NFASC: variants seen among roughly 807,000 people sequenced by gnomAD.
NFASC encodes the protein neurofascin, also known as neurofascin homolog.
In NFASC, 43 loss-of-function variants were observed where a neutral mutation model predicts 147.5. The ratio of observed to expected loss-of-function variants is 0.29; its 90% CI spans 0.23 to 0.38. NFASC has a LOEUF of 0.38. NFASC is among the 10% of genes least tolerant of loss of function. NFASC has a pLI of 1.00. For missense variants in NFASC, 1,320 were observed against 1,689.0 expected, an observed-to-expected ratio of 0.78 and a Z score of 3.83; for synonymous variants, 622 against 665.5, an observed-to-expected ratio of 0.93 and a Z score of 1.01.
At chr1:204,859,229 C>T (rs1364097690) in intron 1 of NFASC, among the ~76,000 whole-genome samples, 4 of 152,158 alleles carry the variant, frequency 2.6e-5, no homozygotes, top group Non-Finnish European at 4.4e-5. Context: ...CCACCCACCT[C>T]GGCGAATGCA....
intron 1 of NFASC, chr1:204,870,638 C>A: frequency 9.7e-7 from 1 of 1,027,370 alleles, no homozygotes; most frequent in Non-Finnish European, 1.2e-6. Context: ...GGCCACACAA[C>A]TCTTCCATTA....
At position 204,975,168 on chromosome 1, in the gene NFASC, A is replaced by T; in HGVS notation, c.1559-103A>T. ...GCATACTGTTTGTGCCCCACTCCAT[A>T]GTTGGCCCAAGGCCTCGAGGGCAGA... is the stretch of plus-strand genomic sequence containing the variant. On this transcript the variant is annotated intron_variant, in intron 14 of 29. Transcript: ENST00000339876. The surrounding 1 kb of genome is among the most constrained non-coding windows in gnomAD (Gnocchi z 4.0). 7.7e-7 allele frequency: 1 copy of T among 1,294,960 alleles called. No individual in the cohort carries two copies. Among genetic ancestry groups the T allele is most frequent in the Non-Finnish European group, 1.1e-6 (1 of 934,884 alleles). The allele number at this position is 1,294,960 out of a possible 1,614,324, so 80.2% of individuals were successfully genotyped here.
At chr1:204,911,019 TAGAA>T (rs2087318329) in intron 1 of NFASC, among the ~76,000 whole-genome samples, 1 of 152,220 alleles carries the variant, frequency 6.6e-6, no homozygotes, top group African/African-American at 2.4e-5. Context: ...TTGTTAATCT[TAGAA>T]AGAAAGCATT....
chr1:204,937,773 G>T (rs2092992182), intron 2 of NFASC, among the ~76,000 whole-genome samples: 1 of 152,220 alleles, frequency 6.6e-6, no homozygotes, highest in African/African-American at 2.4e-5. Flanking sequence ...CAGGTCGGTT[G>T]TGTTTTCTCC....
intron 15 of NFASC, among the ~76,000 whole-genome samples, chr1:204,976,341 C>G (rs1333921687): frequency 2.0e-5 from 3 of 152,198 alleles, no homozygotes; most frequent in Non-Finnish European, 4.4e-5. Flanking sequence ...ACCTTGGGGT[C>G]ATGGGCCTCA....
intron 1 of NFASC, among the ~76,000 whole-genome samples, chr1:204,865,831 C>T (rs2077061584): frequency 6.6e-6 from 1 of 152,116 alleles, no homozygotes; most frequent in Non-Finnish European, 1.5e-5. Flanking sequence ...TGGCTGAATA[C>T]CCAGAGGTAG....
At chr1:205,008,808 C>CG (rs59354456) in intron 27 of NFASC, 18,406 of 153,312 alleles carry the variant, frequency 0.12, 1,421 homozygotes, top group African/African-American at 0.2. Context: ...CACAGACCAC[C>CG]GGGGGGGTCA....
At chr1:204,945,569 T>C (rs1235838180) in intron 3 of NFASC, among the ~76,000 whole-genome samples, 2 of 152,216 alleles carry the variant, frequency 1.3e-5, no homozygotes, top group Non-Finnish European at 2.9e-5. Flanking sequence ...CAGTAGTAAC[T>C]GTAAGTCAGA....
chr1:204,973,304 G>A lies in NFASC; in HGVS notation c.1164G>A (p.Val388=), dbSNP rs937859626. 6.2e-7 allele frequency: 1 copy of A among 1,614,104 alleles called. No homozygotes were observed. The highest frequency in any genetic ancestry group is 1.3e-5 in the African/African-American group (1 of 74,948). Residue 388 remains valine, a synonymous_variant, in exon 12 of 30, where the codon GTG becomes GTA. Transcript: ENST00000339876. Reference sequence around the variant, plus strand: ...CACCACCTAACCCAAACCGTGAGGTGGCCGGAGACACCATCATCTTCCGGG... The same window carrying A: ...CACCACCTAACCCAAACCGTGAGGTAGCCGGAGACACCATCATCTTCCGGG... ...QSAPPNPNRE[V]AGDTIIFRDT... is the part of the protein sequence containing the mutation.
At chr1:204,830,917 G>A (rs1194993947) in intron 1 of NFASC, among the ~76,000 whole-genome samples, 2 of 152,176 alleles carry the variant, frequency 1.3e-5, no homozygotes, top group African/African-American at 2.4e-5. Context: ...CTCTGAATGG[G>A]CCTCAGGCAG....
At chr1:204,877,827 T>C (rs573547980) in intron 1 of NFASC, among the ~76,000 whole-genome samples, 2 of 152,354 alleles carry the variant, frequency 1.3e-5, no homozygotes, top group East Asian at 3.9e-4. Context: ...CAGCATCTCC[T>C]AGCAACTTCT....
In NFASC at chr1:205,018,867, C is replaced by A. The variant is rs1295765533; in HGVS notation, c.*2328C>A. The A allele has an allele frequency of 6.6e-6, 1 of 152,316 alleles. No individual in the cohort carries two copies. The highest frequency in any genetic ancestry group is 1.5e-5 in the Non-Finnish European group (1 of 68,104). The allele number at this position is 152,316 out of a possible 1,614,324, so 9.4% of individuals were successfully genotyped here. A position where few individuals can be genotyped will look rare whatever the true frequency, so the allele number is the denominator to read the frequency against. On this transcript the variant is annotated 3_prime_UTR_variant, in exon 30 of 30. Transcript: ENST00000339876. ...ACGATGAGCAAGTCTGCCACACCAC[C>A]TGGTGACTGGGAAGGGCTGCTTCTC...
intron 1 of NFASC, among the ~76,000 whole-genome samples, chr1:204,861,503 T>A (rs12036643): frequency 0.17 from 25,790 of 152,114 alleles, 3,309 homozygotes; most frequent in East Asian, 0.53. Context: ...CACTTCTTTT[T>A]TTTTGAGACG....
chr1:204,968,255 G>T lies in NFASC; in HGVS notation c.713G>T (p.Gly238Val). 1 of 1,613,508 alleles carries T rather than the reference G, an allele frequency of 6.2e-7. No homozygotes were observed. The highest frequency in any genetic ancestry group is 2.2e-5 in the East Asian group (1 of 44,874). ...PFTLKVLTTR[G>V]VAERTPSFMY... ...TTGTTCTCTCCTGTTTCAGCCCGAG[G>T]AGTTGCAGAAAGAACACCAAGCTTC... The change falls in exon 9 of 30, where the codon GGA becomes GTA. Residue 238 changes from glycine (G) to valine (V), a missense_variant. Physicochemically the swap from Gly to Val is moderately radical, Grantham distance 109. This residue lies in a region of NFASC where 981 missense variants were observed against 1,289.5 expected (regional missense o/e 0.76). Coordinates refer to ENST00000339876, the MANE Select transcript of NFASC (RefSeq NM_001005388.3). This position sits in a 1 kb window ranked among gnomAD's most constrained non-coding sequence, Gnocchi z 5.4.
At chr1:204,877,035 ATTT>A (rs1350695540) in intron 1 of NFASC, among the ~76,000 whole-genome samples, 1 of 97,322 alleles carries the variant, frequency 1.0e-5, no homozygotes, top group African/African-American at 6.0e-5. Context: ...TATAATATAT[ATTT>A]ATATATATAT....
At chr1:204,883,816 C>A (rs2080787422) in intron 1 of NFASC, among the ~76,000 whole-genome samples, 1 of 152,158 alleles carries the variant, frequency 6.6e-6, no homozygotes, top group Non-Finnish European at 1.5e-5. Flanking sequence ...ACTGGAAGGC[C>A]CTTTACAAGC....
At position 204,936,866 on chromosome 1, in the gene NFASC, ACT is replaced by A. The variant is rs200786632; in HGVS notation, c.-90-7351_-90-7350del. ...AGAGCTCTCCGTGAGCATGCCCTGG[ACT>A]CTCTCTCTGACTGTGACTTGTTCCA... On this transcript the variant is annotated intron_variant, in intron 2 of 29. Coordinates refer to ENST00000339876, the MANE Select transcript of NFASC (RefSeq NM_001005388.3). Among the ~76,000 whole-genome samples the A allele has an allele frequency of 9.4e-3, 1,420 of 151,802 alleles. 11 individuals are homozygous for A. The highest frequency in any genetic ancestry group is 0.066 in the Middle Eastern group (19 of 290).
At chr1:204,961,503 A>G (rs2094663691) in intron 8 of NFASC, among the ~76,000 whole-genome samples, 1 of 152,258 alleles carries the variant, frequency 6.6e-6, no homozygotes, top group Non-Finnish European at 1.5e-5. Flanking sequence ...GACATCTCCA[A>G]GATCATAGTG....
chr1:205,012,461 A>C (rs149841866), intron 28 of NFASC, among the ~76,000 whole-genome samples: 1 of 152,206 alleles, frequency 6.6e-6, no homozygotes, highest in African/African-American at 2.4e-5. Context: ...CAAACAGTGG[A>C]GTGTTTGCCT....
Sources: allele counts gnomAD v4.1 joint callset (sites outside exome capture counted in the v4.1 genomes callset), GRCh38; gene constraint gnomAD v4.1.1; regional missense constraint gnomAD v4.1.1; non-coding constraint Gnocchi (gnomAD v3.1); transcripts MANE v1.5; gene names NCBI Gene and HGNC (gene_info 2026-07-23, HGNC 2026-07-21).